Variants in CLIC5 observed in about 807,000 individuals in gnomAD.
CLIC5 encodes chloride intracellular channel protein 5.
A neutral mutation model predicts 24.7 loss-of-function variants in CLIC5; 20 were observed. That is an observed-to-expected ratio of 0.81 (90% CI 0.57 to 1.18). The LOEUF is 1.18. Among genes scored for constraint, CLIC5 ranks in the 50% most tolerant of loss-of-function variants. The probability of loss-of-function intolerance (pLI) is 0.00; values close to 1 mark genes in which losing one functional copy is unlikely to be tolerated. For synonymous variants in CLIC5, 159 were observed against 135.6 expected (o/e 1.17, Z -1.20); for missense variants, 341 against 326.1 (o/e 1.05, Z -0.35).
chr6:46,095,626 T>A, the CLIC5 span, among the ~76,000 whole-genome samples: 1 of 152,226 alleles, frequency 6.6e-6, no homozygotes, highest in Non-Finnish European at 1.5e-5. Context: ...GAGTTCCTAA[T>A]AAGTTTCTCA....
intron 3 of CLIC5, among the ~76,000 whole-genome samples, chr6:45,947,504 C>T (rs1414828151): frequency 6.6e-6 from 1 of 151,606 alleles, no homozygotes. Context: ...TGGCAACAGA[C>T]CAAATGGGCC....
At chr6:45,914,470 G>T (rs897936341) in intron 4 of CLIC5, 61 bp from the exon 5 acceptor site, 5 of 1,455,954 alleles carry the variant, frequency 3.4e-6, no homozygotes, top group Non-Finnish European at 4.6e-6. Context: ...ACAGTCATAG[G>T]GTCTTCAGAG....
rs533376213 is a variant in CLIC5 at position 46,030,397 on chromosome 6, T to C, written c.540+49306A>G. Among the ~76,000 whole-genome samples, 333 of 152,310 alleles carry C rather than the reference T, an allele frequency of 2.2e-3. 3 individuals are homozygous for C. The highest frequency in any genetic ancestry group is 7.3e-3 in the African/African-American group (304 of 41,560). ...GCAGCCTCATCACCTTATTTCTGAATAAACATAGAACCTTCCTAACTGCTC... is the reference window on the plus strand; with the variant it reads ...GCAGCCTCATCACCTTATTTCTGAACAAACATAGAACCTTCCTAACTGCTC... On this transcript the variant is annotated intron_variant, in intron 1 of 5. Transcript: ENST00000185206.
At position 45,901,179 on chromosome 6, in the gene CLIC5, A is replaced by G. The variant is rs1194949324; in HGVS notation, c.*1909T>C. On this transcript the variant is annotated 3_prime_UTR_variant, in exon 6 of 6. Coordinates refer to ENST00000339561, the MANE Select transcript of CLIC5 (RefSeq NM_016929.5). ...TTTGGGGCTTTTCCCTACAGTAAAA[A>G]AGGACTCTTTCCTCACCAGTTCTCC... The G allele has an allele frequency of 1.3e-5, 2 of 152,142 alleles. No homozygotes were observed. Among genetic ancestry groups the G allele is most frequent in the African/African-American group, 4.8e-5 (2 of 41,416 alleles). 9.4% of individuals were successfully genotyped at this position (152,142 alleles called of 1,614,324 possible). A position where few individuals can be genotyped will look rare whatever the true frequency, so the allele number is the denominator to read the frequency against.
chr6:45,937,523 C>G (rs1561947649), intron 4 of CLIC5: 1 of 152,216 alleles, frequency 6.6e-6, no homozygotes, highest in African/African-American at 2.4e-5. Flanking sequence ...GGATTCAAAC[C>G]CAGGCCGGGA....
chr6:46,098,553 G>A, the CLIC5 span, among the ~76,000 whole-genome samples: 1 of 152,118 alleles, frequency 6.6e-6, no homozygotes, highest in Non-Finnish European at 1.5e-5. Context: ...AGCAGCCTTA[G>A]AGTAATCAAA....
intron 3 of CLIC5, 74 bp from the exon 4 acceptor site, chr6:45,941,727 T>C: frequency 1.8e-6 from 2 of 1,081,486 alleles, no homozygotes; most frequent in Non-Finnish European, 2.9e-6. Context: ...ATCCCTATCA[T>C]GATAAGCAAT....
chr6:45,986,108 G>A (rs981197945), intron 1 of CLIC5, among the ~76,000 whole-genome samples: 7 of 152,212 alleles, frequency 4.6e-5, no homozygotes, highest in Non-Finnish European at 7.3e-5. Flanking sequence ...CCCCAGCCAT[G>A]TGGAACTGTG....
chr6:45,979,272 G>C (rs1349480096), intron 1 of CLIC5, among the ~76,000 whole-genome samples: 1 of 152,126 alleles, frequency 6.6e-6, no homozygotes, highest in African/African-American at 2.4e-5. Context: ...CAAAGTTCAG[G>C]GGAAGGGGCA....
intron 1 of CLIC5, 70 bp downstream of exon 1, chr6:46,015,410 C>T: frequency 7.0e-7 from 1 of 1,427,088 alleles, no homozygotes; most frequent in Non-Finnish European, 9.3e-7. Context: ...GTCCAGCGCA[C>T]CCCGAGCCCT....
the CLIC5 span, among the ~76,000 whole-genome samples, chr6:46,125,590 A>T: frequency 6.6e-6 from 1 of 151,914 alleles, no homozygotes; most frequent in East Asian, 1.9e-4. Flanking sequence ...ATATATATAT[A>T]TATTTTTAAA....
intron 6 of CLIC5, among the ~76,000 whole-genome samples, chr6:45,889,090 T>C (rs1762328358): frequency 6.6e-6 from 1 of 152,152 alleles, no homozygotes; most frequent in Admixed American, 6.5e-5. Flanking sequence ...GTCAGTCTGT[T>C]AGGGCTGCTA....
At chr6:46,077,513 TAC>T (rs1370798519) in intron 1 of CLIC5, among the ~76,000 whole-genome samples, 1 of 151,876 alleles carries the variant, frequency 6.6e-6, no homozygotes, top group Non-Finnish European at 1.5e-5. Flanking sequence ...ACTCACACCC[TAC>T]AGTTTCACTC....
At chr6:45,885,539 C>CA (rs1368803229) in intron 6 of CLIC5, among the ~76,000 whole-genome samples, 1 of 152,092 alleles carries the variant, frequency 6.6e-6, no homozygotes, top group Non-Finnish European at 1.5e-5. Context: ...GGGCGGTTAT[C>CA]AGCCACCTCC....
At chr6:45,960,664 C>T (rs994461547) in intron 1 of CLIC5, among the ~76,000 whole-genome samples, 5 of 152,200 alleles carry the variant, frequency 3.3e-5, no homozygotes, top group Admixed American at 6.5e-5. Flanking sequence ...TATGTCCAGC[C>T]GGCCTATGGC....
intron 4 of CLIC5, among the ~76,000 whole-genome samples, chr6:45,924,928 G>A (rs1763419145): frequency 6.6e-6 from 1 of 152,170 alleles, no homozygotes; most frequent in African/African-American, 2.4e-5. Flanking sequence ...GATAGATGCG[G>A]CTGGCATTGT....
chr6:45,949,166 A>T, intron 3 of CLIC5, 90 bp downstream of exon 3: 3 of 1,486,230 alleles, frequency 2.0e-6, no homozygotes, highest in Non-Finnish European at 2.7e-6. Context: ...TTCCTTTGGA[A>T]ATGCATCTGC....
At chr6:45,892,988 C>T (rs1449094653) in intron 6 of CLIC5, among the ~76,000 whole-genome samples, 1 of 152,112 alleles carries the variant, frequency 6.6e-6, no homozygotes, top group East Asian at 1.9e-4. Flanking sequence ...TTAACTGCTC[C>T]TTTCATTATC....
chr6:45,990,279 T>A (rs926529357), intron 1 of CLIC5, among the ~76,000 whole-genome samples: 8 of 152,238 alleles, frequency 5.3e-5, no homozygotes, highest in African/African-American at 1.9e-4. Flanking sequence ...GCCCTATTAC[T>A]TTTTAAAGTG....
Sources: gnomAD v4.1 joint callset for allele counts (sites outside exome capture counted in the v4.1 genomes callset) on GRCh38, gnomAD v4.1.1 for gene constraint, MANE v1.5 for transcripts, NCBI Gene and HGNC (gene_info 2026-07-23, HGNC 2026-07-21) for gene names.